OSTF1: variants seen among roughly 807,000 people sequenced by gnomAD.
OSTF1 encodes osteoclast stimulating factor 1.
A neutral mutation model predicts 37.2 loss-of-function variants in OSTF1; 27 were observed. The ratio of observed to expected loss-of-function variants is 0.73; its 90% CI spans 0.54 to 1.00. The LOEUF (loss-of-function observed/expected upper bound fraction) is 1.00. Among genes scored for constraint, OSTF1 ranks in the 50% least tolerant of loss-of-function variants. The probability of loss-of-function intolerance (pLI) is 0.00; values close to 1 mark genes in which losing one functional copy is unlikely to be tolerated. For synonymous variants in OSTF1, 82 were observed against 89.2 expected (o/e 0.92, Z 0.46); for missense variants, 232 against 253.8 (o/e 0.91, Z 0.58).
chr9:75,132,214 A>G (rs1327529013), intron 5 of OSTF1, among the ~76,000 whole-genome samples: 2 of 152,136 alleles, frequency 1.3e-5, no homozygotes, highest in Non-Finnish European at 2.9e-5. Flanking sequence ...GGCCCAGGTG[A>G]GTAACTGGAG....
At chr9:75,135,787 TG>T (rs1478348017) in intron 7 of OSTF1, among the ~76,000 whole-genome samples, 1 of 152,126 alleles carries the variant, frequency 6.6e-6, no homozygotes, top group Non-Finnish European at 1.5e-5. Context: ...ATCTGGAGCT[TG>T]GGGTCTTCTT....
intron 1 of OSTF1, among the ~76,000 whole-genome samples, chr9:75,112,294 C>T (rs1035727427): frequency 2.6e-5 from 4 of 152,010 alleles, no homozygotes; most frequent in Admixed American, 2.0e-4. Context: ...ATTGTTTTCT[C>T]GACAAGAACA....
In OSTF1 at chr9:75,130,686, A is replaced by G. The variant is rs71507902; in HGVS notation, c.196+45A>G. On this transcript the variant is annotated intron_variant, in intron 4 of 9. Coordinates refer to ENST00000346234, the MANE Select transcript of OSTF1 (RefSeq NM_012383.5). ...TTTACTTTAGCTTCGTTCACTTGGA[A>G]TTTTTTGGTTCTTGATGCTTTTCTG... 782 of 1,344,260 alleles carry G rather than the reference A, an allele frequency of 5.8e-4. 10 individuals carry two copies. The highest frequency in any genetic ancestry group is 5.2e-3 in the Middle Eastern group (29 of 5,572). The allele number at this position is 1,344,260 out of a possible 1,614,324, so 83.3% of individuals were successfully genotyped here. A position where few individuals can be genotyped will look rare whatever the true frequency, so the allele number is the denominator to read the frequency against.
intron 5 of OSTF1, 25 bp from the exon 6 acceptor site, chr9:75,133,269 T>C: frequency 7.2e-7 from 1 of 1,390,272 alleles, no homozygotes; most frequent in Non-Finnish European, 1.0e-6. Flanking sequence ...TTTCTTGTGT[T>C]CTTGTAAATG....
intron 3 of OSTF1, among the ~76,000 whole-genome samples, 156 bp from the exon 4 acceptor site, chr9:75,130,422 C>T (rs973882329): frequency 1.8e-4 from 28 of 152,232 alleles, no homozygotes; most frequent in African/African-American, 5.3e-4. Context: ...GTAAGGGAGA[C>T]GGACACCCAC....
At chr9:75,136,135 T>G (rs973611854) in intron 7 of OSTF1, among the ~76,000 whole-genome samples, 4 of 152,222 alleles carry the variant, frequency 2.6e-5, no homozygotes, top group African/African-American at 7.2e-5. Flanking sequence ...CCAGGAACCT[T>G]GGGGGCCATT....
intron 1 of OSTF1, among the ~76,000 whole-genome samples, chr9:75,113,870 A>T (rs1825435486): frequency 1.3e-5 from 2 of 152,204 alleles, no homozygotes; most frequent in Non-Finnish European, 2.9e-5. Flanking sequence ...AGTCACCGTG[A>T]TGTACAATAG....
chr9:75,107,672 GT>G (rs1157257146), intron 1 of OSTF1, among the ~76,000 whole-genome samples: 3 of 152,166 alleles, frequency 2.0e-5, no homozygotes, highest in Non-Finnish European at 4.4e-5. Flanking sequence ...AGTAAGATAT[GT>G]ATTTTTCTTG....
chr9:75,139,493 A>G (rs1265862377), intron 8 of OSTF1, among the ~76,000 whole-genome samples: 1 of 152,074 alleles, frequency 6.6e-6, no homozygotes, highest in African/African-American at 2.4e-5. Flanking sequence ...CAGTGGCGCA[A>G]TCTTGGCTCA....
At chr9:75,146,073 T>C (rs1282375783) in intron 9 of OSTF1, among the ~76,000 whole-genome samples, 1 of 152,238 alleles carries the variant, frequency 6.6e-6, no homozygotes, top group Non-Finnish European at 1.5e-5. Flanking sequence ...TCTGTTGCTA[T>C]AGGAATTTGA....
At position 75,130,067 on chromosome 9, in the gene OSTF1, A is replaced by G. The variant is rs181040206; in HGVS notation, c.133-511A>G. On this transcript the variant is annotated intron_variant, in intron 3 of 9. Transcript: ENST00000346234. ...GTCATGGGGGCATATATGAAACAATATTGGTCATTAATAAATGATTTGTGC... is the reference window on the plus strand; with the variant it reads ...GTCATGGGGGCATATATGAAACAATGTTGGTCATTAATAAATGATTTGTGC... Among the ~76,000 whole-genome samples the G allele has an allele frequency of 7.9e-5, 12 of 152,260 alleles. No individual in the cohort carries two copies. In the East Asian group the frequency reaches 1.9e-3, roughly 24 times the overall value.
chr9:75,135,867 T>C (rs987788186), intron 7 of OSTF1, among the ~76,000 whole-genome samples: 7 of 152,198 alleles, frequency 4.6e-5, no homozygotes, highest in African/African-American at 1.7e-4. Flanking sequence ...GCCCTCAGCT[T>C]TTAGAGGCCA....
At chr9:75,115,643 TTG>T (rs1291191861) in intron 1 of OSTF1, among the ~76,000 whole-genome samples, 2 of 92,042 alleles carry the variant, frequency 2.2e-5, no homozygotes, top group African/African-American at 7.6e-5. Context: ...CCCCCTTTTT[TTG>T]TTTTTTTTTT....
intron 9 of OSTF1, among the ~76,000 whole-genome samples, chr9:75,141,695 C>T (rs1825947285): frequency 6.6e-6 from 1 of 152,156 alleles, no homozygotes; most frequent in African/African-American, 2.4e-5. Context: ...GCTAAATCTT[C>T]TGGACTTTAT....
intron 2 of OSTF1, among the ~76,000 whole-genome samples, chr9:75,123,653 T>TA (rs1458142720): frequency 6.6e-6 from 1 of 152,238 alleles, no homozygotes; most frequent in African/African-American, 2.4e-5. Context: ...TACCGTGTTG[T>TA]ATGTACTGCC....
At chr9:75,103,458 CAGTT>C (rs1166723297) in intron 1 of OSTF1, among the ~76,000 whole-genome samples, 3 of 152,206 alleles carry the variant, frequency 2.0e-5, no homozygotes, top group Admixed American at 6.5e-5. Context: ...TCAGAGATAA[CAGTT>C]AGCATTTTGA....
At chr9:75,110,958 A>G (rs1825376379) in intron 1 of OSTF1, among the ~76,000 whole-genome samples, 1 of 152,094 alleles carries the variant, frequency 6.6e-6, no homozygotes, top group African/African-American at 2.4e-5. Context: ...GGGCTCAAGC[A>G]GTCCTCCACT....
intron 6 of OSTF1, among the ~76,000 whole-genome samples, chr9:75,134,101 TA>T (rs543292335): frequency 1.4e-3 from 211 of 152,302 alleles, no homozygotes; most frequent in African/African-American, 4.9e-3. Context: ...ATAGTGAATG[TA>T]AAAATATTCC....
At chr9:75,126,416 C>T (rs1825662584) in intron 2 of OSTF1, among the ~76,000 whole-genome samples, 1 of 152,138 alleles carries the variant, frequency 6.6e-6, no homozygotes, top group African/African-American at 2.4e-5. Context: ...TTGTGTCCTA[C>T]ATTTTTCATC....
Sources: allele counts gnomAD v4.1 joint callset (sites outside exome capture counted in the v4.1 genomes callset), GRCh38; gene constraint gnomAD v4.1.1; transcripts MANE v1.5; gene names NCBI Gene and HGNC (gene_info 2026-07-23, HGNC 2026-07-21).